RALGAPB: variants seen among roughly 807,000 people sequenced by gnomAD.
The protein encoded by RALGAPB is ral GTPase-activating protein subunit beta.
In RALGAPB, 25 loss-of-function variants were observed where a neutral mutation model predicts 161.1. The observed-to-expected ratio is 0.16, with a 90% CI of 0.11 to 0.22. RALGAPB has a LOEUF of 0.22. RALGAPB is among the 10% of genes least tolerant of loss of function. The pLI, the probability that RALGAPB is intolerant of heterozygous loss-of-function variation, is 1.00. For synonymous variants in RALGAPB, 629 were observed against 626.1 expected, an observed-to-expected ratio of 1.00 and a Z score of -0.07; for missense variants, 1,391 against 1,815.2, an observed-to-expected ratio of 0.77 and a Z score of 4.25.
At chr20:38,528,396 A>G (rs562365772) in intron 13 of RALGAPB, among the ~76,000 whole-genome samples, 15 of 149,306 alleles carry the variant, frequency 1.0e-4, no homozygotes, top group Admixed American at 3.3e-4. Context: ...TTTAAATACA[A>G]GTTCTTGCTC....
intron 4 of RALGAPB, among the ~76,000 whole-genome samples, chr20:38,498,678 A>T (rs1293100584): frequency 6.6e-6 from 1 of 152,196 alleles, no homozygotes; most frequent in Non-Finnish European, 1.5e-5. Flanking sequence ...ACATTCTTAC[A>T]ACTTTTCCTG....
intron 23 of RALGAPB, among the ~76,000 whole-genome samples, chr20:38,558,703 A>G (rs368844560): frequency 1.7e-4 from 26 of 152,296 alleles, no homozygotes; most frequent in African/African-American, 6.3e-4. Flanking sequence ...GTTTACAGAA[A>G]TAACATTGAT....
intron 16 of RALGAPB, chr20:38,538,343 G>A (rs892089484): frequency 9.1e-6 from 2 of 219,284 alleles, no homozygotes; most frequent in African/African-American, 2.3e-5. Flanking sequence ...GGTAAGATTG[G>A]CCTTAAGAAT....
intron 24 of RALGAPB, 125 bp from the exon 25 acceptor site, chr20:38,565,234 G>T: frequency 9.2e-7 from 1 of 1,092,314 alleles, no homozygotes; most frequent in Non-Finnish European, 1.3e-6. Context: ...ATACTAATTG[G>T]TTCTTGTTGA....
Position 38,578,578 on chromosome 20 carries a change from C to CAT in RALGAPB, c.*3617_*3618dup, listed in dbSNP as rs1486138595. On this transcript the variant is annotated 3_prime_UTR_variant, in exon 30 of 30. Transcript: ENST00000262879. ...AGCAGTATCATTATTTGCTTGAAAT[C>CAT]ATATATACAGTTTGTATGAATTTCA... 6.6e-6 allele frequency: 1 copy of CAT among 152,594 alleles called. No homozygotes were observed. The highest frequency in any genetic ancestry group is 1.5e-5 in the Non-Finnish European group (1 of 68,026). 9.5% of individuals were successfully genotyped at this position (152,594 alleles called of 1,614,324 possible).
intron 2 of RALGAPB, among the ~76,000 whole-genome samples, chr20:38,488,852 T>C (rs934195344): frequency 1.3e-5 from 2 of 152,198 alleles, no homozygotes; most frequent in Non-Finnish European, 1.5e-5. Context: ...TTGTACTGTT[T>C]TGCTGCTGGG....
At chr20:38,517,684 A>T (rs376219423) in intron 8 of RALGAPB, 30 bp downstream of exon 8, 1 of 1,611,430 alleles carries the variant, frequency 6.2e-7, no homozygotes, top group Non-Finnish European at 8.5e-7. Context: ...TTGTTATGCT[A>T]TATAAGGTTG....
chr20:38,535,348 T>G, intron 16 of RALGAPB, 141 bp downstream of exon 16: 1 of 1,069,670 alleles, frequency 9.3e-7, no homozygotes. Flanking sequence ...GTGTACAAAA[T>G]TTAGCCTCCA....
chr20:38,519,018 C>G (rs1193046125), intron 9 of RALGAPB, among the ~76,000 whole-genome samples: 1 of 152,110 alleles, frequency 6.6e-6, no homozygotes, highest in African/African-American at 2.4e-5. Flanking sequence ...GGATCTATGT[C>G]TGTGAACATT....
chr20:38,564,532 C>G (rs1191255419), intron 24 of RALGAPB, among the ~76,000 whole-genome samples: 2 of 152,146 alleles, frequency 1.3e-5, no homozygotes, highest in African/African-American at 4.8e-5. Context: ...CTGAGAAGTA[C>G]TTGTCCATTT....
At chr20:38,537,596 C>T (rs1255445030) in intron 16 of RALGAPB, among the ~76,000 whole-genome samples, 2 of 152,204 alleles carry the variant, frequency 1.3e-5, no homozygotes, top group Non-Finnish European at 2.9e-5. Context: ...TTTAAAACTG[C>T]TGTTCTTTAG....
chr20:38,526,705 G>A (rs890371606), intron 13 of RALGAPB, among the ~76,000 whole-genome samples: 1 of 151,898 alleles, frequency 6.6e-6, no homozygotes, highest in East Asian at 1.9e-4. Flanking sequence ...TAAACTCCCC[G>A]CTTTTTACAT....
rs1223213098 is a variant in RALGAPB at position 38,577,325 on chromosome 20, T to A, written c.*2358T>A. On this transcript the variant is annotated 3_prime_UTR_variant, in exon 30 of 30. Transcript: ENST00000262879. ...TGAGTAGAATAGCACTGGAGGAACA[T>A]ATTTAGCACCTAATATTAATATTTA... is the stretch of plus-strand genomic sequence containing the variant. 1.3e-5 allele frequency: 2 copies of A among 152,188 alleles called. No homozygotes were observed. Among genetic ancestry groups the A allele is most frequent in the Non-Finnish European group, 2.9e-5 (2 of 68,040 alleles). The allele number at this position is 152,188 out of a possible 1,614,324, so 9.4% of individuals were successfully genotyped here.
At chr20:38,493,886 TG>T (rs1238487848) in intron 3 of RALGAPB, among the ~76,000 whole-genome samples, 1 of 152,224 alleles carries the variant, frequency 6.6e-6, no homozygotes, top group Non-Finnish European at 1.5e-5. Context: ...CTAGACTAGC[TG>T]TTCTGAATTC....
rs771267472 is a variant in RALGAPB at position 38,488,519 on chromosome 20, T to C, written c.87T>C (p.Val29=). The part of the protein sequence containing the change: ...TSVLHSYPES[V]GREVANAVVR... ...TGCTGCACAGCTATCCAGAGAGCGT[T>C]GGACGAGAGGTGGCAAATGCTGTAG... The change falls in exon 2 of 30, where the codon GTT becomes GTC. Residue 29 remains valine, a synonymous_variant. Transcript: ENST00000262879. 3.5e-5 allele frequency: 56 copies of C among 1,614,096 alleles called. No homozygotes were observed. In the East Asian group the frequency reaches 1.1e-3, roughly 32 times the overall value.
Position 38,576,447 on chromosome 20 carries a change from T to G in RALGAPB, c.*1480T>G, listed in dbSNP as rs1160031122. 2 of 152,440 alleles carry G rather than the reference T, an allele frequency of 1.3e-5. No homozygotes were observed. Among genetic ancestry groups the G allele is most frequent in the Admixed American group, 6.5e-5 (1 of 15,276 alleles). 9.4% of individuals were successfully genotyped at this position (152,440 alleles called of 1,614,324 possible). The stretch of plus-strand genomic sequence containing the variant: ...GCAAATGTCTCTTATTCCAGAAATG[T>G]GCATTTTGTCATCTATAAGCAAGAA... On this transcript the variant is annotated 3_prime_UTR_variant, in exon 30 of 30. Coordinates refer to ENST00000262879, the MANE Select transcript of RALGAPB (RefSeq NM_020336.4).
intron 1 of RALGAPB, among the ~76,000 whole-genome samples, chr20:38,478,165 G>C (rs1358728472): frequency 1.3e-5 from 2 of 152,178 alleles, no homozygotes; most frequent in Non-Finnish European, 2.9e-5. Context: ...CATATGGTGA[G>C]GTATGGAGTC....
chr20:38,553,537 C>T (rs1424155699), intron 21 of RALGAPB, among the ~76,000 whole-genome samples: 1 of 152,032 alleles, frequency 6.6e-6, no homozygotes, highest in East Asian at 1.9e-4. Context: ...TTGTTTTAAC[C>T]TTGGACCATG....
intron 2 of RALGAPB, among the ~76,000 whole-genome samples, chr20:38,491,591 A>G (rs2085282719): frequency 6.6e-6 from 1 of 152,240 alleles, no homozygotes; most frequent in Admixed American, 6.5e-5. Flanking sequence ...TGGTATGGAG[A>G]GAATAGCTTA....
Sources: allele counts gnomAD v4.1 joint callset (sites outside exome capture counted in the v4.1 genomes callset), GRCh38; gene constraint gnomAD v4.1.1; transcripts MANE v1.5; gene names NCBI Gene and HGNC (gene_info 2026-07-23, HGNC 2026-07-21).